The following NAA40 variants were observed in gnomAD, a reference collection of about 807,000 sequenced individuals.
NAA40 encodes the protein N-alpha-acetyltransferase 40, NatD catalytic subunit.
Under a neutral mutation model 36.6 loss-of-function variants are expected in NAA40, and 26 were observed. The ratio of observed to expected loss-of-function variants is 0.71; its 90% CI spans 0.52 to 0.98. The LOEUF is 0.98. Among genes scored for constraint, NAA40 ranks in the 50% least tolerant of loss-of-function variants. The pLI, the probability that NAA40 is intolerant of heterozygous loss-of-function variation, is 0.00. For synonymous variants in NAA40, 129 were observed against 108.4 expected, an observed-to-expected ratio of 1.19 and a Z score of -1.18; for missense variants, 237 against 306.5, an observed-to-expected ratio of 0.77 and a Z score of 1.69.
At chr11:63,954,121 C>A in intron 7 of NAA40, 72 bp downstream of exon 7, 1 of 1,505,500 alleles carries the variant, frequency 6.6e-7, no homozygotes, top group Non-Finnish European at 9.2e-7. Flanking sequence ...GGTCCTGGCC[C>A]TCACTCATTC....
chr11:63,942,933 G>A (rs1198800611), intron 1 of NAA40, among the ~76,000 whole-genome samples: 1 of 152,208 alleles, frequency 6.6e-6, no homozygotes, highest in Non-Finnish European at 1.5e-5. Context: ...CTTGTTCTTG[G>A]GAATTACTGC....
intron 3 of NAA40, among the ~76,000 whole-genome samples, chr11:63,951,976 C>T (rs548594267): frequency 3.4e-4 from 51 of 152,156 alleles, no homozygotes; most frequent in African/African-American, 8.7e-4. Flanking sequence ...TACAAAGTGC[C>T]GAGGCGGATT....
At position 63,948,166 on chromosome 11, in the gene NAA40, C is replaced by T. The variant is rs557295680; in HGVS notation, c.155+1163C>T. On this transcript the variant is annotated intron_variant, in intron 3 of 7. Coordinates refer to ENST00000377793, the MANE Select transcript of NAA40 (RefSeq NM_024771.4). ...CACCGCGCCTGGCCTGATGTCTCTTCAGGACTGATTATTCTCTCTGCAAAG... is the reference window on the plus strand; with the variant it reads ...CACCGCGCCTGGCCTGATGTCTCTTTAGGACTGATTATTCTCTCTGCAAAG... Among the ~76,000 whole-genome samples, 163 of 152,240 alleles carry T rather than the reference C, an allele frequency of 1.1e-3. 1 individual carries two copies. Among genetic ancestry groups the T allele is most frequent in the Middle Eastern group, 6.8e-3 (2 of 294 alleles).
In NAA40 at chr11:63,956,413, C is replaced by G. The variant is rs58341870; in HGVS notation, c.*1934C>G. 2.6e-5 allele frequency: 4 copies of G among 152,416 alleles called. No homozygotes were observed. Among genetic ancestry groups the G allele is most frequent in the East Asian group, 1.9e-4 (1 of 5,186 alleles). 9.4% of individuals were successfully genotyped at this position (152,416 alleles called of 1,614,324 possible). ...ACTCAAGGGGACCAAAAGGGACCCC[C>G]CCGTGTTCATCCCTTGTAAGGTGAG... On this transcript the variant is annotated 3_prime_UTR_variant, in exon 8 of 8. Transcript: ENST00000377793.
In NAA40 at chr11:63,952,577, G is replaced by A; in HGVS notation, c.410+12G>A. On this transcript the variant is annotated intron_variant, in intron 5 of 7. Transcript: ENST00000377793. ...GAAGTCCTGTACTGGTAGGAGCCAT[G>A]GCTTGGGGGAGGTAGGGGAGAGAGA... The A allele has an allele frequency of 6.2e-7, 1 of 1,612,380 alleles. No individual in the cohort carries two copies. Among genetic ancestry groups the A allele is most frequent in the South Asian group, 1.1e-5 (1 of 91,062 alleles).
At chr11:63,942,464 T>C (rs1039731082) in intron 1 of NAA40, among the ~76,000 whole-genome samples, 1 of 152,198 alleles carries the variant, frequency 6.6e-6, no homozygotes, top group Non-Finnish European at 1.5e-5. Context: ...TGAAAAGAGC[T>C]TAAGTAACTT....
Position 63,952,233 on chromosome 11 carries a change from C to A in NAA40, c.156-5C>A, listed in dbSNP as rs1290843388. On this transcript the variant is annotated splice_region_variant and splice_polypyrimidine_tract_variant and intron_variant, in intron 3 of 7. Transcript: ENST00000377793. ...AATTCCGTACACGTCCTGTCCTCTT[C>A]TCAGGTTGAATGTCTCCATTGAATG... The A allele has an allele frequency of 5.6e-6, 9 of 1,606,600 alleles. No individual in the cohort carries two copies. Among genetic ancestry groups the A allele is most frequent in the Admixed American group, 3.4e-5 (2 of 59,578 alleles).
At chr11:63,939,356 T>G in intron 1 of NAA40, 1 of 1,248,176 alleles carries the variant, frequency 8.0e-7, no homozygotes. Flanking sequence ...CCTTCCTGCT[T>G]CGCGGACCCG....
chr11:63,950,712 T>C (rs1036309189), intron 3 of NAA40, among the ~76,000 whole-genome samples: 1 of 152,090 alleles, frequency 6.6e-6, no homozygotes, highest in African/African-American at 2.4e-5. Context: ...TCCGCCCGCC[T>C]CGGCCTCCCA....
rs1439736010 is a variant in NAA40 at position 63,954,740 on chromosome 11, C to T, written c.*261C>T. On this transcript the variant is annotated 3_prime_UTR_variant, in exon 8 of 8. Coordinates refer to ENST00000377793, the MANE Select transcript of NAA40 (RefSeq NM_024771.4). The stretch of plus-strand genomic sequence containing the variant: ...CAGTGAAGCTCATCCTCCACAGTGG[C>T]TGCCTCCTCATTTGGCTCCTGGGGC... The T allele has an allele frequency of 1.5e-5, 5 of 335,622 alleles. No homozygotes were observed. Among genetic ancestry groups the T allele is most frequent in the Non-Finnish European group, 2.7e-5 (5 of 187,024 alleles). 20.8% of individuals were successfully genotyped at this position (335,622 alleles called of 1,614,324 possible).
chr11:63,943,989 C>T (rs925145279), intron 1 of NAA40, among the ~76,000 whole-genome samples: 1 of 152,156 alleles, frequency 6.6e-6, no homozygotes, highest in African/African-American at 2.4e-5. Context: ...TTTGTTCCTT[C>T]CTCTAGGGAG....
At chr11:63,942,270 G>T (rs890893333) in intron 1 of NAA40, among the ~76,000 whole-genome samples, 8 of 152,180 alleles carry the variant, frequency 5.3e-5, no homozygotes, top group African/African-American at 1.9e-4. Flanking sequence ...TCTCATCAAA[G>T]AAGTAGTCAC....
chr11:63,952,469 G>A lies in NAA40; in HGVS notation c.314G>A (p.Arg105Gln). 5 of 1,614,176 alleles carry A rather than the reference G, an allele frequency of 3.1e-6. No homozygotes were observed. Among genetic ancestry groups the A allele is most frequent in the Non-Finnish European group, 3.4e-6 (4 of 1,180,034 alleles). ...REKREEMTDD[R>Q]AWYLIAWENS... ...AAACGGGAGGAAATGACAGATGACC[G>A]AGCCTGGTACCTCATCGCGTGGGAA... Residue 105 changes from arginine (R) to glutamine (Q), a missense_variant, in exon 5 of 8, where the codon CGA becomes CAA. Coordinates refer to ENST00000377793, the MANE Select transcript of NAA40 (RefSeq NM_024771.4).
At chr11:63,952,603 C>A (rs781493922) in intron 5 of NAA40, 38 bp downstream of exon 5, 53 of 1,609,822 alleles carry the variant, frequency 3.3e-5, no homozygotes. Context: ...GGGAGAGAGA[C>A]CCTGGCGATG....
intron 3 of NAA40, among the ~76,000 whole-genome samples, chr11:63,950,506 AGGCTGGAGTACAAT>A (rs1474462828): frequency 1.7e-3 from 253 of 152,014 alleles, no homozygotes; most frequent in African/African-American, 6.0e-3. Context: ...AGTCTCGCCC[AGGCTGGAGTACAAT>A]GGCATGATCT....
At chr11:63,946,144 C>T in intron 2 of NAA40, 1 of 574,036 alleles carries the variant, frequency 1.7e-6, no homozygotes, top group Non-Finnish European at 3.1e-6. Context: ...AACGTGGATT[C>T]CAGTGAAGTG....
intron 1 of NAA40, among the ~76,000 whole-genome samples, chr11:63,942,868 G>C (rs866649235): frequency 3.3e-5 from 5 of 152,236 alleles, no homozygotes; most frequent in African/African-American, 1.2e-4. Flanking sequence ...AGGATTGCCA[G>C]GTCTACATGA....
chr11:63,950,411 G>T (rs185909293), intron 3 of NAA40, among the ~76,000 whole-genome samples: 4 of 151,920 alleles, frequency 2.6e-5, no homozygotes, highest in African/African-American at 4.8e-5. Flanking sequence ...GAGCCACTGC[G>T]CCCGGCCTGG....
In NAA40 at chr11:63,941,527, C is replaced by T. The variant is rs1057043177; in HGVS notation, c.6+2425C>T. 1.3e-4 allele frequency among the ~76,000 whole-genome samples: 20 copies of T among 152,084 alleles called. No homozygotes were observed. In the East Asian group the frequency reaches 3.8e-3, roughly 29 times the overall value. ...TTCTTTTTCTGAAAAGTGGCTCCTC[C>T]TCCCATCTGGATGTTTCTTTTCTTT... is the stretch of plus-strand genomic sequence containing the variant. On this transcript the variant is annotated intron_variant, in intron 1 of 7. Transcript: ENST00000377793.
Sources: allele counts gnomAD v4.1 joint callset (sites outside exome capture counted in the v4.1 genomes callset), GRCh38; gene constraint gnomAD v4.1.1; transcripts MANE v1.5; gene names NCBI Gene and HGNC (gene_info 2026-07-23, HGNC 2026-07-21).